Variants in HSD17B12 observed in about 807,000 individuals in gnomAD.
HSD17B12 encodes very-long-chain 3-oxoacyl-CoA reductase.
In HSD17B12, 32 loss-of-function variants were observed where a neutral mutation model predicts 39.3. The observed-to-expected ratio is 0.81, with a 90% confidence interval of 0.61 to 1.09. HSD17B12 has a LOEUF of 1.09. HSD17B12 is among the 50% of genes least tolerant of loss of function. The pLI, the probability that HSD17B12 is intolerant of heterozygous loss-of-function variation, is 0.00. For missense variants in HSD17B12, 342 were observed against 382.9 expected, an observed-to-expected ratio of 0.89 and a Z score of 0.89; for synonymous variants, 150 against 146.7, an observed-to-expected ratio of 1.02 and a Z score of -0.16.
At chr11:43,665,495 A>G in the HSD17B12 span, among the ~76,000 whole-genome samples, 6 of 152,164 alleles carry the variant, frequency 3.9e-5, no homozygotes, top group African/African-American at 1.2e-4. Context: ...ATGGGGTTAC[A>G]GGAGTGAGCC....
chr11:43,793,389 G>GA (rs1370961524), intron 3 of HSD17B12, among the ~76,000 whole-genome samples: 1 of 152,046 alleles, frequency 6.6e-6, no homozygotes, highest in African/African-American at 2.4e-5. Flanking sequence ...TTTATTAATA[G>GA]AAAAAACACA....
upstream of HSD17B12, among the ~76,000 whole-genome samples, chr11:43,678,180 C>T (rs572071848): frequency 4.3e-5 from 5 of 116,430 alleles, no homozygotes; most frequent in Admixed American, 1.1e-4. Context: ...TCTCTGATGG[C>T]CAGTGATGAT....
chr11:43,750,306 A>G (rs1418738167), intron 1 of HSD17B12, among the ~76,000 whole-genome samples: 1 of 152,050 alleles, frequency 6.6e-6, no homozygotes, highest in East Asian at 1.9e-4. Context: ...CTTTTCTTAA[A>G]CTTACATTTT....
At chr11:43,734,630 G>A (rs960047312) in intron 1 of HSD17B12, 10 of 317,024 alleles carry the variant, frequency 3.2e-5, no homozygotes, top group Non-Finnish European at 6.1e-5. Context: ...TCTTAACACC[G>A]CCTTCCTTCT....
chr11:43,840,785 C>G (rs936292688), intron 9 of HSD17B12, among the ~76,000 whole-genome samples: 2 of 152,152 alleles, frequency 1.3e-5, no homozygotes, highest in African/African-American at 4.8e-5. Flanking sequence ...TAGTGGGCAT[C>G]TGGGTTGTTT....
At chr11:43,777,449 T>G (rs1185848853) in intron 3 of HSD17B12, among the ~76,000 whole-genome samples, 1 of 152,250 alleles carries the variant, frequency 6.6e-6, no homozygotes, top group African/African-American at 2.4e-5. Context: ...TTTTTGCACA[T>G]TGATTTTGTA....
At chr11:43,764,734 T>C (rs1424574689) in intron 3 of HSD17B12, among the ~76,000 whole-genome samples, 1 of 152,200 alleles carries the variant, frequency 6.6e-6, no homozygotes, top group Non-Finnish European at 1.5e-5. Context: ...AAATTTACTT[T>C]GTCTAGCTTT....
intron 1 of HSD17B12, among the ~76,000 whole-genome samples, chr11:43,713,777 C>T (rs1280822526): frequency 6.6e-6 from 1 of 152,196 alleles, no homozygotes; most frequent in East Asian, 1.9e-4. Flanking sequence ...TCCACATCCT[C>T]TCCAGCACCT....
At chr11:43,651,779 A>G in the HSD17B12 span, among the ~76,000 whole-genome samples, 1 of 152,134 alleles carries the variant, frequency 6.6e-6, no homozygotes, top group Non-Finnish European at 1.5e-5. Flanking sequence ...GGGTTTCACC[A>G]CGTTGGCCAG....
chr11:43,714,259 C>T (rs1376722315), intron 1 of HSD17B12, among the ~76,000 whole-genome samples: 1 of 152,162 alleles, frequency 6.6e-6, no homozygotes, highest in South Asian at 2.1e-4. Context: ...AGTTTTAGGT[C>T]TAACATTTAA....
chr11:43,640,400 G>A, the HSD17B12 span, among the ~76,000 whole-genome samples: 1 of 152,140 alleles, frequency 6.6e-6, no homozygotes, highest in Non-Finnish European at 1.5e-5. Flanking sequence ...GGCAGAAAGA[G>A]GGAGAAGGAG....
rs1001993417 is a variant in HSD17B12, at chr11:43,757,413, C to T, written c.283+3292C>T. On this transcript the variant is annotated intron_variant, in intron 3 of 10. Transcript: ENST00000278353. ...CTTTGGGAGGCCGAGGCGGGTGGAT[C>T]ATGAGGTCAGGAGATCGAGACCATC... Among the ~76,000 whole-genome samples, 21 of 150,680 alleles carry T rather than the reference C, an allele frequency of 1.4e-4. No homozygotes were observed. In the East Asian group the frequency reaches 4.1e-3, roughly 29 times the overall value.
intron 7 of HSD17B12, among the ~76,000 whole-genome samples, chr11:43,837,325 G>A (rs1219483847): frequency 6.6e-6 from 1 of 152,088 alleles, no homozygotes; most frequent in Non-Finnish European, 1.5e-5. Flanking sequence ...ATGAGAAAGT[G>A]GGTTAAGGAA....
At chr11:43,695,167 T>C (rs950232028) in intron 1 of HSD17B12, among the ~76,000 whole-genome samples, 1 of 151,996 alleles carries the variant, frequency 6.6e-6, no homozygotes, top group Non-Finnish European at 1.5e-5. Context: ...AACACTGGAC[T>C]AGCCCTAGAA....
chr11:43,768,944 G>A (rs968181777), intron 3 of HSD17B12, among the ~76,000 whole-genome samples: 3 of 152,190 alleles, frequency 2.0e-5, no homozygotes, highest in Non-Finnish European at 2.9e-5. Flanking sequence ...ACAGACTGCT[G>A]ACTGATACAT....
At chr11:43,811,782 T>G (rs1198304483) in intron 4 of HSD17B12, among the ~76,000 whole-genome samples, 1 of 152,150 alleles carries the variant, frequency 6.6e-6, no homozygotes, top group Non-Finnish European at 1.5e-5. Context: ...TTAACTATAG[T>G]CACCCTACTC....
the HSD17B12 span, among the ~76,000 whole-genome samples, chr11:43,634,587 T>C: frequency 5.0e-3 from 754 of 152,314 alleles, 6 homozygotes; most frequent in African/African-American, 0.017. Context: ...GTTTAAGTAT[T>C]GTGGTCTCCT....
At chr11:43,590,606 G>A in the HSD17B12 span, among the ~76,000 whole-genome samples, 1 of 139,622 alleles carries the variant, frequency 7.2e-6, no homozygotes, top group Non-Finnish European at 1.5e-5. Context: ...CCAGGTTCAA[G>A]CAATTCTCCT....
chr11:43,733,690 G>A (rs1950289678), intron 1 of HSD17B12: 1 of 495,074 alleles, frequency 2.0e-6, no homozygotes, highest in East Asian at 5.0e-5. Context: ...TTTAAAAAAA[G>A]GGGTTTAGGG....
Sources: allele counts gnomAD v4.1 joint callset (sites outside exome capture counted in the v4.1 genomes callset), GRCh38; gene constraint gnomAD v4.1.1; transcripts MANE v1.5; gene names NCBI Gene and HGNC (gene_info 2026-07-23, HGNC 2026-07-21).